Variants in TYRP1 observed in about 807,000 individuals in gnomAD.
The protein encoded by TYRP1 is 5,6-dihydroxyindole-2-carboxylic acid oxidase.
In TYRP1, 49 loss-of-function variants were observed where a neutral mutation model predicts 42.8. The observed-to-expected ratio is 1.14, with a 90% CI of 0.91 to 1.45. TYRP1 has a LOEUF of 1.45. Among genes scored for constraint, TYRP1 ranks in the 40% most tolerant of loss-of-function variants. The pLI, the probability that TYRP1 is intolerant of heterozygous loss-of-function variation, is 0.00. For synonymous variants in TYRP1, 279 were observed against 235.4 expected, an observed-to-expected ratio of 1.19 and a Z score of -1.69; for missense variants, 848 against 662.0, an observed-to-expected ratio of 1.28 and a Z score of -3.08.
chr9:12,708,786 A>C (rs1004761990), intron 7 of TYRP1, among the ~76,000 whole-genome samples, 191 bp from the exon 8 acceptor site: 1 of 152,014 alleles, frequency 6.6e-6, no homozygotes, highest in Non-Finnish European at 1.5e-5. Context: ...TGAAATGGAA[A>C]TAACAATGAC....
Position 12,698,568 on chromosome 9 carries a change from C to G in TYRP1, c.826C>G (p.Leu276Val), listed in dbSNP as rs775126268. 1.2e-5 allele frequency: 19 copies of G among 1,613,718 alleles called. No homozygotes were observed. In the African/African-American group the frequency reaches 2.3e-4, roughly 19 times the overall value. ...ATCCAGAAGCAACTTTGATTCCACT[C>G]TAATAAGCCCAAACTCTGTCTTTTC... is the stretch of plus-strand genomic sequence containing the variant. ...MGSRSNFDSTLISPNSVFSQW... is the reference protein window; with the variant it reads ...MGSRSNFDSTVISPNSVFSQW... The change falls in exon 4 of 8, where the codon CTA becomes GTA. Residue 276 changes from leucine to valine, a missense_variant. By Grantham distance (32) the Leu-to-Val change is conservative. Coordinates refer to ENST00000388918, the MANE Select transcript of TYRP1 (RefSeq NM_000550.3).
rs754027576 is a variant in TYRP1, at chr9:12,708,107, G to C, written c.1372G>C (p.Asp458His). Residue 458 changes from aspartate to histidine, a missense_variant, in exon 7 of 8, where the codon GAC becomes CAC. By Grantham distance (81) the Asp-to-His change is moderately conservative. Transcript: ENST00000388918. ...CACAGAAATGTTTGTTACTGCTCCA[G>C]ACAACCTGGGATACACTTATGAAAT... ...TNTEMFVTAP[D>H]NLGYTYEIQW... is the part of the protein sequence containing the mutation. The C allele has an allele frequency of 1.2e-5, 20 of 1,612,622 alleles. No homozygotes were observed. Among genetic ancestry groups the C allele is most frequent in the Non-Finnish European group, 1.6e-5 (19 of 1,179,298 alleles).
intron 6 of TYRP1, 111 bp from the exon 7 acceptor site, chr9:12,707,886 A>C: frequency 9.8e-7 from 1 of 1,022,592 alleles, no homozygotes. Context: ...GTAAAATAAG[A>C]ATAAAATTTT....
chr9:12,697,742 A>T (rs1818100547), intron 3 of TYRP1, among the ~76,000 whole-genome samples: 2 of 152,162 alleles, frequency 1.3e-5, no homozygotes, highest in African/African-American at 4.8e-5. Flanking sequence ...AAAATGTGAG[A>T]TCAGCTTTGA....
rs769239991 is a variant in TYRP1, at chr9:12,708,079, C to G, written c.1344C>G (p.Thr448=). 1.2e-6 allele frequency: 2 copies of G among 1,612,776 alleles called. No individual in the cohort carries two copies. Among genetic ancestry groups the G allele is most frequent in the Non-Finnish European group, 1.7e-6 (2 of 1,179,292 alleles). ...YNMVPFWPPV[T]NTEMFVTAPD... is the part of the protein sequence containing the mutation. ...TGGTGCCATTCTGGCCCCCAGTCACCAACACAGAAATGTTTGTTACTGCTC... is the reference window on the plus strand; with the variant it reads ...TGGTGCCATTCTGGCCCCCAGTCACGAACACAGAAATGTTTGTTACTGCTC... The change falls in exon 7 of 8, where the codon ACC becomes ACG. Residue 448 remains threonine (T), a synonymous_variant. Transcript: ENST00000388918.
At chr9:12,696,904 CATTT>C (rs1025519621) in intron 3 of TYRP1, among the ~76,000 whole-genome samples, 3 of 152,078 alleles carry the variant, frequency 2.0e-5, no homozygotes, top group African/African-American at 7.2e-5. Context: ...CGTTTAGATT[CATTT>C]ATTAATTTGC....
chr9:12,706,616 A>C (rs148261890), intron 6 of TYRP1, among the ~76,000 whole-genome samples: 1 of 152,130 alleles, frequency 6.6e-6, no homozygotes, highest in East Asian at 1.9e-4. Context: ...ATGTGGCCAT[A>C]AAATTATAGG....
intron 7 of TYRP1, among the ~76,000 whole-genome samples, chr9:12,708,729 T>A (rs41304843): frequency 1.3e-5 from 2 of 151,920 alleles, no homozygotes; most frequent in Admixed American, 6.6e-5. Flanking sequence ...GTGACCTGGG[T>A]AAGTGACTCA....
In TYRP1 at chr9:12,694,023, G is replaced by C. The variant is rs113063859; in HGVS notation, c.27G>C (p.Leu9=). Residue 9 remains leucine, a synonymous_variant, in exon 2 of 8, where the codon CTG becomes CTC. Coordinates refer to ENST00000388918, the MANE Select transcript of TYRP1 (RefSeq NM_000550.3). MSAPKLLS[L]GCIFFPLLLF... ...TGAGTGCTCCTAAACTCCTCTCTCT[G>C]GGCTGTATCTTCTTCCCCTTGCTAC... 6.2e-7 allele frequency: 1 copy of C among 1,613,906 alleles called. No individual in the cohort carries two copies. The highest frequency in any genetic ancestry group is 8.5e-7 in the Non-Finnish European group (1 of 1,179,984).
At chr9:12,702,102 G>A (rs1182878141) in intron 4 of TYRP1, among the ~76,000 whole-genome samples, 169 bp from the exon 5 acceptor site, 1 of 151,924 alleles carries the variant, frequency 6.6e-6, no homozygotes, top group Non-Finnish European at 1.5e-5. Context: ...ATGGGACATG[G>A]TAACTTAGAT....
chr9:12,698,566 C>T lies in TYRP1; in HGVS notation c.824C>T (p.Thr275Ile), dbSNP rs1394053595. Residue 275 changes from threonine (T) to isoleucine (I), a missense_variant, in exon 4 of 8, where the codon ACT becomes ATT. Physicochemically the swap from Thr to Ile is moderately conservative, Grantham distance 89. Coordinates refer to ENST00000388918, the MANE Select transcript of TYRP1 (RefSeq NM_000550.3). ...LMGSRSNFDS[T>I]LISPNSVFSQ... is the part of the protein sequence containing the mutation. ...GGATCCAGAAGCAACTTTGATTCCACTCTAATAAGCCCAAACTCTGTCTTT... is the reference window on the plus strand; with the variant it reads ...GGATCCAGAAGCAACTTTGATTCCATTCTAATAAGCCCAAACTCTGTCTTT... The T allele has an allele frequency of 2.5e-6, 4 of 1,613,844 alleles. No individual in the cohort carries two copies. In the African/African-American group the frequency reaches 4.0e-5, roughly 16 times the overall value.
intron 5 of TYRP1, among the ~76,000 whole-genome samples, chr9:12,703,030 C>G (rs1250438861): frequency 6.6e-6 from 1 of 151,932 alleles, no homozygotes; most frequent in African/African-American, 2.4e-5. Flanking sequence ...ATTACTATCA[C>G]AAGATATTCA....
In TYRP1 at chr9:12,693,410, A is replaced by C. The variant is rs1586840124; in HGVS notation, c.-154A>C. 6.4e-6 allele frequency: 1 copy of C among 155,124 alleles called. No homozygotes were observed. The highest frequency in any genetic ancestry group is 1.9e-4 in the East Asian group (1 of 5,228). 9.6% of individuals were successfully genotyped at this position (155,124 alleles called of 1,614,324 possible). A position where few individuals can be genotyped will look rare whatever the true frequency, so the allele number is the denominator to read the frequency against. ...AACAGTTCTGACGTGAGAGGACAAG[A>C]AACACAAGCAAATATAAAACATTCA... is the stretch of plus-strand genomic sequence containing the variant. On this transcript the variant is annotated 5_prime_UTR_variant, in exon 1 of 8. Coordinates refer to ENST00000388918, the MANE Select transcript of TYRP1 (RefSeq NM_000550.3).
chr9:12,703,881 A>ATGTG lies in TYRP1; in HGVS notation c.1082-644_1082-643insGTGT, dbSNP rs895369253. ...TCCCTTATATATGGAATATATATAT[A>ATGTG]TATGTGTGTGTGTGTGTGTGTGTGT... is the stretch of plus-strand genomic sequence containing the variant. On this transcript the variant is annotated intron_variant, in intron 5 of 7. Transcript: ENST00000388918. Among the ~76,000 whole-genome samples, 69 of 41,654 alleles carry ATGTG rather than the reference A, an allele frequency of 1.7e-3. 1 individual carries two copies. Among genetic ancestry groups the ATGTG allele is most frequent in the Middle Eastern group, 0.012 (1 of 82 alleles). 27.3% of individuals were successfully genotyped at this position (41,654 alleles called of 152,430 possible).
chr9:12,695,440 C>T (rs1818059361), intron 2 of TYRP1, 75 bp from the exon 3 acceptor site: 9 of 1,362,256 alleles, frequency 6.6e-6, no homozygotes, highest in Non-Finnish European at 9.4e-6. Flanking sequence ...TGGTGTGTTA[C>T]AAGATGATTA....
At position 12,709,259 on chromosome 9, in the gene TYRP1, T is replaced by TTTTC. The variant is rs1375433064; in HGVS notation, c.*82_*85dup. On this transcript the variant is annotated 3_prime_UTR_variant, in exon 8 of 8. Coordinates refer to ENST00000388918, the MANE Select transcript of TYRP1 (RefSeq NM_000550.3). ...ATAATAGATTGAGTTATTAACTGTA[T>TTTTC]TTTCTTTCACTTTATTACCTTCTTT... The TTTTC allele has an allele frequency of 6.4e-6, 9 of 1,395,412 alleles. No homozygotes were observed. Among genetic ancestry groups the TTTTC allele is most frequent in the Non-Finnish European group, 9.1e-6 (9 of 986,788 alleles). The allele number at this position is 1,395,412 out of a possible 1,614,324, so 86.4% of individuals were successfully genotyped here.
intron 3 of TYRP1, 28 bp downstream of exon 3, chr9:12,695,865 A>T (rs1335491598): frequency 2.5e-6 from 4 of 1,606,584 alleles, no homozygotes; most frequent in Non-Finnish European, 3.4e-6. Flanking sequence ...CAGTTTGCAG[A>T]CTCTTTACAG....
At chr9:12,708,258 T>C (rs1409066686) in intron 7 of TYRP1, 115 bp downstream of exon 7, 2 of 1,295,802 alleles carry the variant, frequency 1.5e-6, no homozygotes, top group Admixed American at 2.0e-5. Context: ...ACTTGGAAAC[T>C]TTCATTTGTA....
At chr9:12,694,927 T>A (rs1420063701) in intron 2 of TYRP1, among the ~76,000 whole-genome samples, 1 of 152,188 alleles carries the variant, frequency 6.6e-6, no homozygotes, top group Admixed American at 6.5e-5. Flanking sequence ...AATATTTGAT[T>A]GTGTTCTATG....
Sources: allele counts gnomAD v4.1 joint callset (sites outside exome capture counted in the v4.1 genomes callset), GRCh38; gene constraint gnomAD v4.1.1; transcripts MANE v1.5; gene names NCBI Gene and HGNC (gene_info 2026-07-23, HGNC 2026-07-21).